ZNF487: variants seen among roughly 807,000 people sequenced by gnomAD.
ZNF487 encodes the protein zinc finger protein 487, also known as KRAB domain only 1.
A neutral mutation model predicts 3.0 loss-of-function variants in ZNF487; 4 were observed. The observed-to-expected ratio is 1.35, with a 90% CI of 0.66 to 3.08. The LOEUF (loss-of-function observed/expected upper bound fraction) is 3.08, where lower values mean the gene tolerates loss of function less well. ZNF487 is among the 30% of genes most tolerant of loss of function. The pLI is 0.01. For missense variants in ZNF487, 146 were observed against 98.7 expected (o/e 1.48, Z -2.03); for synonymous variants, 55 against 34.6 (o/e 1.59, Z -2.06).
At chr10:43,509,740 C>A in the ZNF487 span, among the ~76,000 whole-genome samples, 1 of 152,064 alleles carries the variant, frequency 6.6e-6, no homozygotes, top group African/African-American at 2.4e-5. Flanking sequence ...TGTGCCCACC[C>A]AGATTAAGGT....
chr10:43,492,895 G>T, the ZNF487 span, among the ~76,000 whole-genome samples: 29 of 152,210 alleles, frequency 1.9e-4, no homozygotes, highest in Non-Finnish European at 5.9e-5. Context: ...ATCTCTAATA[G>T]AATTTTACTA....
At chr10:43,455,702 C>A (rs1008914271) in intron 1 of ZNF487, among the ~76,000 whole-genome samples, 1 of 152,208 alleles carries the variant, frequency 6.6e-6, no homozygotes, top group Non-Finnish European at 1.5e-5. Context: ...GGGCTGGGCG[C>A]GGTGGGGTCG....
At chr10:43,437,527 A>T (rs143150742) in intron 1 of ZNF487, among the ~76,000 whole-genome samples, 3 of 152,212 alleles carry the variant, frequency 2.0e-5, no homozygotes, top group African/African-American at 7.2e-5. Flanking sequence ...AGAGTCCTGG[A>T]CGAGTGACCC....
intron 1 of ZNF487, among the ~76,000 whole-genome samples, chr10:43,449,214 G>A (rs1353662786): frequency 2.6e-5 from 4 of 151,870 alleles, no homozygotes; most frequent in African/African-American, 4.8e-5. Context: ...CAGGAGAATC[G>A]CTTGAACCTG....
Position 43,447,985 on chromosome 10 carries a change from A to ATTTTTTT in ZNF487, c.-94+10739_-94+10745dup, listed in dbSNP as rs71016768. On this transcript the variant is annotated intron_variant, in intron 1 of 3. Transcript: ENST00000437590. ...TCTGATGTTCAGGGTCTTGGAAACC[A>ATTTTTTT]TTTTTTTTTTTTTTTTTTTTTTGAG... Among the ~76,000 whole-genome samples, 12 of 100,142 alleles carry ATTTTTTT rather than the reference A, an allele frequency of 1.2e-4. 1 individual carries two copies. Among genetic ancestry groups the ATTTTTTT allele is most frequent in the Admixed American group, 1.4e-4 (1 of 7,342 alleles). 65.7% of individuals were successfully genotyped at this position (100,142 alleles called of 152,430 possible).
chr10:43,498,255 ATT>A, the ZNF487 span, among the ~76,000 whole-genome samples: 1 of 96,808 alleles, frequency 1.0e-5, no homozygotes, highest in African/African-American at 4.1e-5. Context: ...TGTATTTGGT[ATT>A]TTATATATAT....
chr10:43,490,676 ATT>A, the ZNF487 span, among the ~76,000 whole-genome samples: 3 of 112,076 alleles, frequency 2.7e-5, no homozygotes, highest in Admixed American at 9.0e-5. Context: ...CGCCTGGCTA[ATT>A]TTTTTTTTTT....
chr10:43,474,561 C>G (rs1343226349), intron 1 of ZNF487, among the ~76,000 whole-genome samples: 1 of 152,052 alleles, frequency 6.6e-6, no homozygotes, highest in Non-Finnish European at 1.5e-5. Flanking sequence ...ACAGCAAGAC[C>G]TGGCCTCTAA....
chr10:43,473,687 C>G (rs1588739044), intron 1 of ZNF487, among the ~76,000 whole-genome samples: 3 of 151,792 alleles, frequency 2.0e-5, no homozygotes, highest in South Asian at 2.1e-4. Context: ...TCCCCAGACC[C>G]AAACATCAAC....
chr10:43,440,718 G>GT (rs1321660696), intron 1 of ZNF487, among the ~76,000 whole-genome samples: 1 of 151,432 alleles, frequency 6.6e-6, no homozygotes, highest in Non-Finnish European at 1.5e-5. Flanking sequence ...CCTTTGTGTA[G>GT]TTCCGCCTCA....
chr10:43,495,005 A>G, the ZNF487 span, among the ~76,000 whole-genome samples: 1 of 151,994 alleles, frequency 6.6e-6, no homozygotes, highest in East Asian at 1.9e-4. Context: ...TTACACTCAC[A>G]AAAAAGAAAC....
At chr10:43,454,755 C>T (rs1305495943) in intron 1 of ZNF487, 2 of 152,020 alleles carry the variant, frequency 1.3e-5, no homozygotes, top group African/African-American at 2.4e-5. Context: ...CTATCTTATT[C>T]GTAGAGCCAT....
chr10:43,500,112 T>A, the ZNF487 span, among the ~76,000 whole-genome samples: 1 of 152,152 alleles, frequency 6.6e-6, no homozygotes, highest in African/African-American at 2.4e-5. Context: ...TGACCTCAGG[T>A]GATCCGCCTG....
chr10:43,475,296 G>T (rs1319761210), intron 1 of ZNF487, among the ~76,000 whole-genome samples: 1 of 152,094 alleles, frequency 6.6e-6, no homozygotes, highest in South Asian at 2.1e-4. Flanking sequence ...AGGGCAGGAG[G>T]ATCGCTTGAG....
chr10:43,447,130 A>G (rs958244262), intron 1 of ZNF487, among the ~76,000 whole-genome samples: 9 of 152,134 alleles, frequency 5.9e-5, no homozygotes, highest in African/African-American at 2.2e-4. Context: ...GTGAGCCGAA[A>G]TCGAGGCAGT....
intron 1 of ZNF487, among the ~76,000 whole-genome samples, chr10:43,471,055 C>T (rs1840889859): frequency 1.3e-5 from 2 of 152,154 alleles, no homozygotes; most frequent in Admixed American, 1.3e-4. Flanking sequence ...AACTTTCCTT[C>T]TCTCATCGTT....
the ZNF487 span, among the ~76,000 whole-genome samples, chr10:43,492,589 C>T: frequency 8.5e-3 from 1,277 of 150,696 alleles, 18 homozygotes; most frequent in African/African-American, 0.029. Flanking sequence ...GTAGCTGGGA[C>T]TACAAGCGCC....
chr10:43,505,579 G>A, the ZNF487 span, among the ~76,000 whole-genome samples: 1 of 151,502 alleles, frequency 6.6e-6, no homozygotes, highest in Admixed American at 6.6e-5. Flanking sequence ...CACCACGCCT[G>A]GTCCATAATT....
rs761210556 is a variant in ZNF487 at position 43,482,913 on chromosome 10, T to C, written c.*991T>C. On this transcript the variant is annotated 3_prime_UTR_variant, in exon 4 of 4. Coordinates refer to ENST00000437590, the MANE Select transcript of ZNF487 (RefSeq NM_001355444.3). The stretch of plus-strand genomic sequence containing the variant: ...GAGAACCCACACAGGAGAGAAACCC[T>C]ATGCATGTAGTGAATGTGGGAAAAC... 122 of 532,632 alleles carry C rather than the reference T, an allele frequency of 2.3e-4. No homozygotes were observed. The highest frequency in any genetic ancestry group is 4.0e-4 in the Non-Finnish European group (103 of 259,518). The allele number at this position is 532,632 out of a possible 1,614,324, so 33.0% of individuals were successfully genotyped here.
Sources: gnomAD v4.1 joint callset for allele counts (sites outside exome capture counted in the v4.1 genomes callset) on GRCh38, gnomAD v4.1.1 for gene constraint, MANE v1.5 for transcripts, NCBI Gene and HGNC (gene_info 2026-07-23, HGNC 2026-07-21) for gene names.